PEX14: variants seen among roughly 807,000 people sequenced by gnomAD.
PEX14 encodes the protein peroxisomal membrane protein PEX14.
A neutral mutation model predicts 49.5 loss-of-function variants in PEX14; 15 were observed. That is an observed-to-expected ratio of 0.30 (90% CI 0.20 to 0.47). PEX14 has a LOEUF of 0.47. PEX14 is among the 20% of genes least tolerant of loss of function. PEX14 has a pLI of 1.00. For missense variants in PEX14, 398 were observed against 494.8 expected (o/e 0.80, Z 1.86); for synonymous variants, 210 against 212.7 (o/e 0.99, Z 0.11).
intron 2 of PEX14, among the ~76,000 whole-genome samples, chr1:10,509,253 A>G (rs1047392279): frequency 6.6e-6 from 1 of 152,198 alleles, no homozygotes; most frequent in Admixed American, 6.5e-5. Context: ...CGGCAAAGGC[A>G]TGCCTCTTAA....
intron 4 of PEX14, among the ~76,000 whole-genome samples, chr1:10,600,972 AACAG>A (rs1230409906): frequency 6.8e-5 from 10 of 146,826 alleles, no homozygotes; most frequent in Admixed American, 2.0e-4. Context: ...ATCTCAAAAA[AACAG>A]ACAGGCCGGG....
intron 1 of PEX14, among the ~76,000 whole-genome samples, chr1:10,487,683 C>T (rs1200371242): frequency 1.3e-5 from 2 of 152,022 alleles, no homozygotes; most frequent in East Asian, 3.9e-4. Flanking sequence ...TGGGGTTTCA[C>T]CATGTTGGCC....
At chr1:10,479,603 G>A (rs1483100901) in intron 1 of PEX14, among the ~76,000 whole-genome samples, 2 of 152,198 alleles carry the variant, frequency 1.3e-5, no homozygotes, top group African/African-American at 4.8e-5. Context: ...CAGTTACTGA[G>A]TATCGAGTAT....
intron 2 of PEX14, among the ~76,000 whole-genome samples, chr1:10,525,749 C>T (rs1052244626): frequency 6.6e-6 from 1 of 152,006 alleles, no homozygotes; most frequent in Admixed American, 6.6e-5. Flanking sequence ...TTTCAGCTTC[C>T]CGAGTAGCTG....
intron 2 of PEX14, among the ~76,000 whole-genome samples, chr1:10,520,872 A>G (rs1199110671): frequency 6.6e-6 from 1 of 152,204 alleles, no homozygotes; most frequent in Non-Finnish European, 1.5e-5. Context: ...ATCACTGTAG[A>G]CGCACTATGG....
chr1:10,627,812 C>T (rs371949592), intron 8 of PEX14, among the ~76,000 whole-genome samples: 6 of 152,250 alleles, frequency 3.9e-5, no homozygotes, highest in East Asian at 3.8e-4. Flanking sequence ...CCCTGCCCCC[C>T]GGCTTCTTGG....
At position 10,629,497 on chromosome 1, in the gene PEX14, C is replaced by T. The variant is rs370745903; in HGVS notation, c.678-34C>T. ...CTTCGAAGGGGGGCGTCCTGAATGCCGCCACCAACCTCCTCCCCTTCTTCT... is the reference window on the plus strand; with the variant it reads ...CTTCGAAGGGGGGCGTCCTGAATGCTGCCACCAACCTCCTCCCCTTCTTCT... On this transcript the variant is annotated intron_variant, in intron 8 of 8. Transcript: ENST00000356607. The surrounding 1 kb of genome is among the most constrained non-coding windows in gnomAD (Gnocchi z 8.5). The T allele has an allele frequency of 6.3e-5, 95 of 1,511,558 alleles. No individual in the cohort carries two copies. The highest frequency in any genetic ancestry group is 2.5e-4 in the East Asian group (11 of 44,406). The allele number at this position is 1,511,558 out of a possible 1,614,324, so 93.6% of individuals were successfully genotyped here. A position where few individuals can be genotyped will look rare whatever the true frequency, so the allele number is the denominator to read the frequency against.
chr1:10,483,789 C>T (rs1316851244), intron 1 of PEX14, among the ~76,000 whole-genome samples: 1 of 151,702 alleles, frequency 6.6e-6, no homozygotes, highest in East Asian at 1.9e-4. Flanking sequence ...ACCACTGCCA[C>T]AAGCAAGATC....
At chr1:10,483,252 C>A (rs1224995329) in intron 1 of PEX14, among the ~76,000 whole-genome samples, 1 of 151,982 alleles carries the variant, frequency 6.6e-6, no homozygotes, top group East Asian at 1.9e-4. Context: ...ACCTCCTGGG[C>A]TCAAGTGATC....
intron 2 of PEX14, among the ~76,000 whole-genome samples, chr1:10,527,578 T>C (rs1314886428): frequency 6.6e-6 from 1 of 152,020 alleles, no homozygotes; most frequent in South Asian, 2.1e-4. Context: ...TATGAGTAGT[T>C]CTTTTTTTTT....
intron 2 of PEX14, among the ~76,000 whole-genome samples, chr1:10,501,214 C>T (rs986223379): frequency 6.6e-6 from 1 of 152,176 alleles, no homozygotes; most frequent in Non-Finnish European, 1.5e-5. Flanking sequence ...ACCTCTTTTT[C>T]CTGCTCAGGA....
intron 3 of PEX14, among the ~76,000 whole-genome samples, chr1:10,565,913 G>A (rs964310722): frequency 1.3e-5 from 2 of 152,232 alleles, no homozygotes; most frequent in South Asian, 4.1e-4. Flanking sequence ...GCTGAGGTGG[G>A]AAGATCTCTT....
intron 3 of PEX14, among the ~76,000 whole-genome samples, chr1:10,568,055 T>A (rs577718032): frequency 6.6e-6 from 1 of 152,340 alleles, no homozygotes; most frequent in African/African-American, 2.4e-5. Flanking sequence ...TAGATACTTA[T>A]ATTGTTTATG....
intron 2 of PEX14, among the ~76,000 whole-genome samples, chr1:10,504,335 G>A (rs1255543354): frequency 2.0e-5 from 3 of 152,190 alleles, no homozygotes; most frequent in African/African-American, 7.2e-5. Flanking sequence ...GACACTGAGT[G>A]ATTCTTGAAG....
chr1:10,622,023 CCT>C (rs990473091), intron 5 of PEX14, among the ~76,000 whole-genome samples: 1 of 152,166 alleles, frequency 6.6e-6, no homozygotes, highest in Non-Finnish European at 1.5e-5. Flanking sequence ...GGGTCTCACT[CCT>C]CACCTGGGGG....
At chr1:10,498,866 G>C (rs1466559644) in intron 2 of PEX14, among the ~76,000 whole-genome samples, 1 of 152,192 alleles carries the variant, frequency 6.6e-6, no homozygotes, top group Non-Finnish European at 1.5e-5. Context: ...GTTCGGACAG[G>C]CCTCCAGAGT....
Position 10,623,198 on chromosome 1 carries a change from C to T in PEX14, c.487+77C>T, listed in dbSNP as rs1641646481. The T allele has an allele frequency of 1.1e-6, 1 of 890,070 alleles. No individual in the cohort carries two copies. The highest frequency in any genetic ancestry group is 1.9e-6 in the Non-Finnish European group (1 of 538,574). 55.1% of individuals were successfully genotyped at this position (890,070 alleles called of 1,614,324 possible). ...CCCCTTCTCTGCCCCTCCCCTCTCC[C>T]TCTGTCTCCACTCTATGTGGTGACT... On this transcript the variant is annotated intron_variant, in intron 6 of 8. Coordinates refer to ENST00000356607, the MANE Select transcript of PEX14 (RefSeq NM_004565.3). This position sits in a 1 kb window ranked among gnomAD's most constrained non-coding sequence, Gnocchi z 4.4.
At chr1:10,573,188 G>A (rs6687430) in intron 3 of PEX14, among the ~76,000 whole-genome samples, 74,242 of 152,076 alleles carry the variant, frequency 0.49, 19,388 homozygotes, top group East Asian at 0.74. Flanking sequence ...ATCATGTGGC[G>A]CGTAACTATA....
At chr1:10,581,261 C>T (rs1640307083) in intron 3 of PEX14, among the ~76,000 whole-genome samples, 3 of 148,348 alleles carry the variant, frequency 2.0e-5, no homozygotes, top group South Asian at 2.2e-4. Context: ...TGTTTCCATT[C>T]TTGTTGCCTC....
Sources: gnomAD v4.1 joint callset for allele counts (sites outside exome capture counted in the v4.1 genomes callset) on GRCh38, gnomAD v4.1.1 for gene constraint, Gnocchi (gnomAD v3.1) non-coding constraint, MANE v1.5 for transcripts, NCBI Gene and HGNC (gene_info 2026-07-23, HGNC 2026-07-21) for gene names.